The following PSMD12 variants were observed in gnomAD, a reference collection of about 807,000 sequenced individuals.
PSMD12 encodes the protein proteasome 26S subunit, non-ATPase 12.
PSMD12 carries 8 observed loss-of-function variants against 62.9 expected under a neutral mutation model. That is an observed-to-expected ratio of 0.13 (90% CI 0.07 to 0.23). The LOEUF is 0.23. PSMD12 is among the 10% of genes least tolerant of loss of function. The pLI is 1.00. For missense variants in PSMD12, 424 were observed against 550.2 expected (o/e 0.77, Z 2.29); for synonymous variants, 173 against 187.4 (o/e 0.92, Z 0.63).
intron 4 of PSMD12, among the ~76,000 whole-genome samples, chr17:67,349,286 T>C (rs997219363): frequency 1.3e-5 from 2 of 152,216 alleles, no homozygotes; most frequent in African/African-American, 4.8e-5. Context: ...CCCAAGGTGC[T>C]GGGATTACAG....
rs1320447308 is a variant in PSMD12, at chr17:67,338,602, C to A, written c.*2241G>T. On this transcript the variant is annotated 3_prime_UTR_variant, in exon 11 of 11. Transcript: ENST00000356126. ...GGTGCAGTGGCTCATGCCTGTAATCCCAGCACTTTGGGCAGCCAAGGCGGG... is the reference window on the plus strand; with the variant it reads ...GGTGCAGTGGCTCATGCCTGTAATCACAGCACTTTGGGCAGCCAAGGCGGG... The A allele has an allele frequency of 6.6e-6, 1 of 152,224 alleles. No individual in the cohort carries two copies. The highest frequency in any genetic ancestry group is 1.5e-5 in the Non-Finnish European group (1 of 68,132). The allele number at this position is 152,224 out of a possible 1,614,324, so 9.4% of individuals were successfully genotyped here. A position where few individuals can be genotyped will look rare whatever the true frequency, so the allele number is the denominator to read the frequency against.
intron 9 of PSMD12, among the ~76,000 whole-genome samples, chr17:67,343,513 C>T (rs923342809): frequency 6.6e-6 from 1 of 152,170 alleles, no homozygotes; most frequent in Non-Finnish European, 1.5e-5. Flanking sequence ...GATAACCTCA[C>T]ACTCCTCTTA....
chr17:67,356,014 A>G (rs1343040885), intron 3 of PSMD12, among the ~76,000 whole-genome samples: 1 of 151,280 alleles, frequency 6.6e-6, no homozygotes, highest in Non-Finnish European at 1.5e-5. Flanking sequence ...ACACACGCAC[A>G]CACACACAAG....
intron 4 of PSMD12, among the ~76,000 whole-genome samples, chr17:67,349,100 A>T (rs551205716): frequency 2.0e-5 from 3 of 152,106 alleles, no homozygotes; most frequent in African/African-American, 7.2e-5. Flanking sequence ...GCTCACCACA[A>T]CCTCTACCTC....
intron 4 of PSMD12, 21 bp from the exon 5 acceptor site, chr17:67,348,675 C>G: frequency 6.3e-7 from 1 of 1,592,312 alleles, no homozygotes. Context: ...GAAATTTACA[C>G]AATCAAAATT....
chr17:67,348,243 T>C (rs1405709805), intron 5 of PSMD12, among the ~76,000 whole-genome samples: 1 of 152,186 alleles, frequency 6.6e-6, no homozygotes, highest in Non-Finnish European at 1.5e-5. Context: ...TTCTCACCAG[T>C]AAGGTACAGG....
At chr17:67,355,996 A>ACG (rs1199778955) in intron 3 of PSMD12, among the ~76,000 whole-genome samples, 1 of 148,616 alleles carries the variant, frequency 6.7e-6, no homozygotes, top group Admixed American at 6.6e-5. Context: ...ACACACACAC[A>ACG]CACACACACA....
chr17:67,358,204 T>C (rs2042094758), intron 1 of PSMD12, among the ~76,000 whole-genome samples: 1 of 152,204 alleles, frequency 6.6e-6, no homozygotes, highest in Non-Finnish European at 1.5e-5. Context: ...ATTACAGGCC[T>C]GAGCCACTGC....
intron 1 of PSMD12, among the ~76,000 whole-genome samples, chr17:67,365,227 C>G (rs976422150): frequency 6.6e-6 from 1 of 151,310 alleles, no homozygotes; most frequent in Non-Finnish European, 1.5e-5. Context: ...CTACAATAGG[C>G]TTCTAGGCAG....
intron 8 of PSMD12, chr17:67,345,538 A>T (rs2041956732): frequency 2.1e-6 from 1 of 483,766 alleles, no homozygotes; most frequent in African/African-American, 1.9e-5. Flanking sequence ...GCTACTCGGA[A>T]GGTTGAGGCA....
chr17:67,364,321 A>G (rs2042160259), intron 1 of PSMD12, among the ~76,000 whole-genome samples: 1 of 152,166 alleles, frequency 6.6e-6, no homozygotes. Flanking sequence ...CTGGACACCT[A>G]AAAAGGCATA....
intron 7 of PSMD12, among the ~76,000 whole-genome samples, chr17:67,346,457 C>G (rs1273571281): frequency 6.6e-6 from 1 of 151,558 alleles, no homozygotes; most frequent in African/African-American, 2.4e-5. Context: ...CCCGGCTACT[C>G]AGGAGACTGA....
In PSMD12 at chr17:67,337,954, T is replaced by G. The variant is rs1262396568; in HGVS notation, c.*2889A>C. 6.6e-6 allele frequency: 1 copy of G among 152,206 alleles called. No homozygotes were observed. Among genetic ancestry groups the G allele is most frequent in the Non-Finnish European group, 1.5e-5 (1 of 68,040 alleles). The allele number at this position is 152,206 out of a possible 1,614,324, so 9.4% of individuals were successfully genotyped here. A position where few individuals can be genotyped will look rare whatever the true frequency, so the allele number is the denominator to read the frequency against. On this transcript the variant is annotated 3_prime_UTR_variant, in exon 11 of 11. Coordinates refer to ENST00000356126, the MANE Select transcript of PSMD12 (RefSeq NM_002816.5). ...TATGAGTTTATTCTCCAGGTTTTCT[T>G]AAATACCCACAAATTAGTGTTTTTA...
chr17:67,344,456 G>A (rs2041944745), intron 9 of PSMD12, 150 bp downstream of exon 9: 3 of 743,344 alleles, frequency 4.0e-6, no homozygotes, highest in Non-Finnish European at 6.3e-6. Flanking sequence ...CCTAAGTGAA[G>A]AATTAAACAC....
chr17:67,358,398 C>T (rs1385558689), intron 1 of PSMD12, among the ~76,000 whole-genome samples: 2 of 151,220 alleles, frequency 1.3e-5, no homozygotes. Context: ...CGAAACCTGT[C>T]TCTACAAAAA....
At chr17:67,344,395 T>C (rs1376173292) in intron 9 of PSMD12, among the ~76,000 whole-genome samples, 1 of 152,076 alleles carries the variant, frequency 6.6e-6, no homozygotes, top group Non-Finnish European at 1.5e-5. Flanking sequence ...AGAGTAAACA[T>C]CTGAACACCA....
At position 67,340,788 on chromosome 17, in the gene PSMD12, A is replaced by AC; in HGVS notation, c.*54dup. ...AAACCCCAACATATACACCATTATA[A>AC]CAGTCTTTTTTTAATGACTTCCAAT... is the stretch of plus-strand genomic sequence containing the variant. On this transcript the variant is annotated 3_prime_UTR_variant, in exon 11 of 11. Transcript: ENST00000356126. 1 of 1,392,528 alleles carries AC rather than the reference A, an allele frequency of 7.2e-7. No individual in the cohort carries two copies. 86.3% of individuals were successfully genotyped at this position (1,392,528 alleles called of 1,614,324 possible).
Position 67,338,356 on chromosome 17 carries a change from T to C in PSMD12, c.*2487A>G, listed in dbSNP as rs1207521598. 6.6e-6 allele frequency: 1 copy of C among 152,260 alleles called. No individual in the cohort carries two copies. The highest frequency in any genetic ancestry group is 2.1e-4 in the South Asian group (1 of 4,838). 9.4% of individuals were successfully genotyped at this position (152,260 alleles called of 1,614,324 possible). A position where few individuals can be genotyped will look rare whatever the true frequency, so the allele number is the denominator to read the frequency against. ...TCCGAACAACTCAAATATTTCACTA[T>C]TGTACTTTATGCTAATGAATTATTT... On this transcript the variant is annotated 3_prime_UTR_variant, in exon 11 of 11. Transcript: ENST00000356126.
At chr17:67,364,005 C>T (rs1446842384) in intron 1 of PSMD12, among the ~76,000 whole-genome samples, 3 of 151,894 alleles carry the variant, frequency 2.0e-5, no homozygotes, top group Non-Finnish European at 4.4e-5. Context: ...GCCAAGACCG[C>T]GCCACTGCAC....
Sources: allele counts gnomAD v4.1 joint callset (sites outside exome capture counted in the v4.1 genomes callset), GRCh38; gene constraint gnomAD v4.1.1; transcripts MANE v1.5; gene names NCBI Gene and HGNC (gene_info 2026-07-23, HGNC 2026-07-21).